Variants in EPHX1 observed in about 807,000 individuals in gnomAD.
EPHX1 encodes the protein epoxide hydratase.
EPHX1 carries 40 observed loss-of-function variants against 43.2 expected under a neutral mutation model. The observed-to-expected ratio is 0.93, with a 90% confidence interval of 0.72 to 1.21. The LOEUF (loss-of-function observed/expected upper bound fraction) is 1.21. Ranked by LOEUF, EPHX1 falls within the 50% of genes most tolerant of loss-of-function variation. The pLI, the probability that EPHX1 is intolerant of heterozygous loss-of-function variation, is 0.00. For missense variants in EPHX1, 550 were observed against 570.4 expected (o/e 0.96, Z 0.36); for synonymous variants, 221 against 226.7 (o/e 0.98, Z 0.22).
In EPHX1 at chr1:225,839,260, G is replaced by T; in HGVS notation, c.636G>T (p.Met212Ile). 1 of 1,614,140 alleles carries T rather than the reference G, an allele frequency of 6.2e-7. No individual in the cohort carries two copies. Among genetic ancestry groups the T allele is most frequent in the Non-Finnish European group, 8.5e-7 (1 of 1,180,016 alleles). The change falls in exon 5 of 9, where the codon ATG (methionine) becomes ATT (isoleucine). Residue 212 changes from methionine to isoleucine, a missense_variant. Coordinates refer to ENST00000272167, the MANE Select transcript of EPHX1 (RefSeq NM_001136018.4). ...VATARIFYKLMLRLGFQEFYI... is the reference protein window; with the variant it reads ...VATARIFYKLILRLGFQEFYI... ...CCGCCAGGATCTTTTACAAGCTGAT[G>T]CTGCGGCTGGGCTTCCAGGAATTCT...
intron 1 of EPHX1, among the ~76,000 whole-genome samples, chr1:225,828,364 C>A (rs1307913331): frequency 6.6e-6 from 1 of 151,408 alleles, no homozygotes; most frequent in Non-Finnish European, 1.5e-5. Flanking sequence ...CAACATGAGG[C>A]CTCAGAAATG....
At chr1:225,844,468 A>T (rs374144870) in intron 7 of EPHX1, 30 bp from the exon 8 acceptor site, 6 of 1,612,272 alleles carry the variant, frequency 3.7e-6, no homozygotes, top group Non-Finnish European at 5.1e-6. Flanking sequence ...TGTGGCACTG[A>T]GAGTGGGGCT....
At chr1:225,837,663 G>A (rs898964877) in intron 3 of EPHX1, among the ~76,000 whole-genome samples, 9 of 152,044 alleles carry the variant, frequency 5.9e-5, no homozygotes, top group African/African-American at 2.2e-4. Flanking sequence ...AATTGCAGGC[G>A]CCTGTCAGCA....
intron 7 of EPHX1, among the ~76,000 whole-genome samples, chr1:225,843,552 G>A (rs570031408): frequency 6.6e-6 from 1 of 152,288 alleles, no homozygotes; most frequent in East Asian, 1.9e-4. Context: ...CAGGGGGTCT[G>A]GCCTGCTCCT....
chr1:225,842,486 G>C lies in EPHX1; in HGVS notation c.1040+12G>C. The C allele has an allele frequency of 1.3e-6, 2 of 1,585,108 alleles. No individual in the cohort carries two copies. Among genetic ancestry groups the C allele is most frequent in the Middle Eastern group, 1.7e-4 (1 of 6,008 alleles). On this transcript the variant is annotated intron_variant, in intron 7 of 8. Transcript: ENST00000272167. ...GGAGGCCTGGAAAGGTGAGGCCCTG[G>C]TTTGCCCCTGCAGTCATGACCCTGG...
intron 1 of EPHX1, among the ~76,000 whole-genome samples, chr1:225,821,209 C>T (rs1163780730): frequency 6.6e-6 from 1 of 151,940 alleles, no homozygotes; most frequent in African/African-American, 2.4e-5. Context: ...CCCAGTGTAA[C>T]AAATATTAAG....
chr1:225,819,226 CAAAAAAA>C lies in EPHX1; in HGVS notation c.-6+9072_-6+9078del, dbSNP rs1302566204. On this transcript the variant is annotated intron_variant, in intron 1 of 8. Coordinates refer to ENST00000272167, the MANE Select transcript of EPHX1 (RefSeq NM_001136018.4). Reference sequence around the variant, plus strand: ...TGGGCGACAGAGCGAGACTCCGTCTCAAAAAAAAAAAAAAAAAAAAATACAAAAATTA... The same window carrying C: ...TGGGCGACAGAGCGAGACTCCGTCTCAAAAAAAAAAAAAATACAAAAATTA... 6.7e-4 allele frequency among the ~76,000 whole-genome samples: 3 copies of C among 4,496 alleles called. 1 individual carries two copies. Among genetic ancestry groups the C allele is most frequent in the African/African-American group, 2.4e-3 (3 of 1,274 alleles). The allele number at this position is 4,496 out of a possible 152,430, so 2.9% of individuals were successfully genotyped here.
intron 2 of EPHX1, among the ~76,000 whole-genome samples, chr1:225,831,560 GA>G (rs757569759): frequency 5.3e-5 from 4 of 75,474 alleles, no homozygotes; most frequent in East Asian, 4.7e-4. Flanking sequence ...AAAAAAAAAA[GA>G]AAAAAGAAAA....
chr1:225,814,038 T>C (rs1344286846), intron 1 of EPHX1, among the ~76,000 whole-genome samples: 6 of 152,238 alleles, frequency 3.9e-5, no homozygotes, highest in Non-Finnish European at 8.8e-5. Flanking sequence ...TGAATTTGAA[T>C]GTCTTTTTGG....
At position 225,844,513 on chromosome 1, in the gene EPHX1, C is replaced by G. The variant is rs140207745; in HGVS notation, c.1056C>G (p.Asp352Glu). Reference sequence around the variant, plus strand: ...GCGTTCCCAGGAAGTTCTCCCTGGACGACCTGCTGACCAACGTCATGCTCT... The same window carrying G: ...GCGTTCCCAGGAAGTTCTCCCTGGAGGACCTGCTGACCAACGTCATGCTCT... ...DGGLERKFSL[D>E]DLLTNVMLYW... Residue 352 changes from aspartate to glutamate, a missense_variant, in exon 8 of 9, where the codon GAC becomes GAG. By Grantham distance (45) the Asp-to-Glu change is conservative. Coordinates refer to ENST00000272167, the MANE Select transcript of EPHX1 (RefSeq NM_001136018.4). The G allele has an allele frequency of 9.3e-6, 15 of 1,614,004 alleles. No homozygotes were observed. Among genetic ancestry groups the G allele is most frequent in the Non-Finnish European group, 1.2e-5 (14 of 1,180,000 alleles).
intron 1 of EPHX1, among the ~76,000 whole-genome samples, chr1:225,824,151 G>GCCC (rs1411155444): frequency 1.3e-5 from 2 of 152,028 alleles, no homozygotes; most frequent in Non-Finnish European, 2.9e-5. Context: ...CACCCCCGCC[G>GCCC]CCCCCGCAGT....
rs982953533 is a variant in EPHX1 at position 225,817,395 on chromosome 1, G to A, written c.-6+7226G>A. On this transcript the variant is annotated intron_variant, in intron 1 of 8. Transcript: ENST00000272167. This position sits in a 1 kb window ranked among gnomAD's most constrained non-coding sequence, Gnocchi z 5.7. ...GCTCCCAGGCTCCCATCCTGCGTCCGCTTGGCAGGCAGGCCAGGAATGGGA... is the reference window on the plus strand; with the variant it reads ...GCTCCCAGGCTCCCATCCTGCGTCCACTTGGCAGGCAGGCCAGGAATGGGA... Among the ~76,000 whole-genome samples the A allele has an allele frequency of 1.3e-5, 2 of 152,192 alleles. No individual in the cohort carries two copies. The highest frequency in any genetic ancestry group is 4.8e-5 in the African/African-American group (2 of 41,458).
At chr1:225,838,972 C>T in intron 4 of EPHX1, 91 bp downstream of exon 4, 1 of 1,487,286 alleles carries the variant, frequency 6.7e-7, no homozygotes, top group Non-Finnish European at 9.3e-7. Flanking sequence ...GCGGGGTGAG[C>T]AGGGAGTTGG....
At chr1:225,820,054 C>G (rs1197801087) in intron 1 of EPHX1, among the ~76,000 whole-genome samples, 1 of 152,146 alleles carries the variant, frequency 6.6e-6, no homozygotes, top group African/African-American at 2.4e-5. Context: ...CCTTTCTTCA[C>G]TCAACCACAA....
chr1:225,839,307 G>A lies in EPHX1; in HGVS notation c.683G>A (p.Gly228Glu). ...QEFYIQGGDW[G>E]SLICTNMAQL... ...TTCTACATTCAAGGAGGGGACTGGG[G>A]GTCCCTGATCTGCACTAATATGGCC... Residue 228 changes from glycine to glutamate, a missense_variant, in exon 5 of 9, where the codon GGG (glycine) becomes GAG (glutamate). Gly to Glu is a moderately conservative substitution (Grantham distance 98). Coordinates refer to ENST00000272167, the MANE Select transcript of EPHX1 (RefSeq NM_001136018.4). 6.2e-7 allele frequency: 1 copy of A among 1,614,024 alleles called. No homozygotes were observed. The highest frequency in any genetic ancestry group is 8.5e-7 in the Non-Finnish European group (1 of 1,180,008).
At chr1:225,835,719 T>TA (rs1553485573) in intron 3 of EPHX1, among the ~76,000 whole-genome samples, 24 of 151,020 alleles carry the variant, frequency 1.6e-4, no homozygotes, top group East Asian at 3.9e-4. Context: ...TTTTTTTTTT[T>TA]ACATTTTTAG....
At chr1:225,820,837 G>A (rs557979531) in intron 1 of EPHX1, among the ~76,000 whole-genome samples, 1 of 152,116 alleles carries the variant, frequency 6.6e-6, no homozygotes, top group Non-Finnish European at 1.5e-5. Flanking sequence ...GTCTATAACT[G>A]GAAGGGTGTT....
chr1:225,844,387 A>C, intron 7 of EPHX1, 111 bp from the exon 8 acceptor site: 1 of 1,551,754 alleles, frequency 6.4e-7, no homozygotes, highest in South Asian at 1.1e-5. Flanking sequence ...ATGAGGTCTG[A>C]GGAGGGAAGC....
At chr1:225,823,316 C>G (rs551549076) in intron 1 of EPHX1, among the ~76,000 whole-genome samples, 1 of 152,216 alleles carries the variant, frequency 6.6e-6, no homozygotes, top group East Asian at 1.9e-4. Context: ...CAGTCATGAG[C>G]TACCACACTG....
Sources: allele counts gnomAD v4.1 joint callset (sites outside exome capture counted in the v4.1 genomes callset), GRCh38; gene constraint gnomAD v4.1.1; non-coding constraint Gnocchi (gnomAD v3.1); transcripts MANE v1.5; gene names NCBI Gene and HGNC (gene_info 2026-07-23, HGNC 2026-07-21).